Variants in PELI2 observed in about 807,000 individuals in gnomAD.
PELI2 encodes the protein pellino E3 ubiquitin protein ligase family member 2, also known as E3 ubiquitin-protein ligase pellino homolog 2.
Under a neutral mutation model 42.3 loss-of-function variants are expected in PELI2, and 23 were observed. The ratio of observed to expected loss-of-function variants is 0.54; its 90% CI spans 0.39 to 0.77. The LOEUF is 0.77. Among genes scored for constraint, PELI2 ranks in the 30% least tolerant of loss-of-function variants. PELI2 has a pLI of 0.00. For missense variants in PELI2, 463 were observed against 553.2 expected (o/e 0.84, Z 1.64); for synonymous variants, 245 against 212.2 (o/e 1.15, Z -1.34).
At chr14:56,230,502 G>C (rs774630098) in intron 2 of PELI2, among the ~76,000 whole-genome samples, 1 of 152,156 alleles carries the variant, frequency 6.6e-6, no homozygotes, top group Non-Finnish European at 1.5e-5. Context: ...GCCAAACTAA[G>C]CTTCAGAAGT....
intron 2 of PELI2, among the ~76,000 whole-genome samples, chr14:56,188,994 T>C (rs1458937327): frequency 6.6e-6 from 1 of 152,108 alleles, no homozygotes; most frequent in African/African-American, 2.4e-5. Flanking sequence ...ACCCCGTCTC[T>C]ACTAAAAATA....
chr14:56,298,324 A>G lies in PELI2; in HGVS notation c.*1158A>G, dbSNP rs1289183368. ...AATTCAAAATTCCTGCTTTTGAGAG[A>G]GCAAATGAGTGTTGCTGAGGAATAA... On this transcript the variant is annotated 3_prime_UTR_variant, in exon 6 of 6. Transcript: ENST00000267460. 1.5e-5 allele frequency: 1 copy of G among 66,592 alleles called. No homozygotes were observed. The highest frequency in any genetic ancestry group is 1.1e-4 in the African/African-American group (1 of 9,338). The allele number at this position is 66,592 out of a possible 1,614,324, so 4.1% of individuals were successfully genotyped here.
chr14:56,269,098 A>C (rs1405250807), intron 2 of PELI2, among the ~76,000 whole-genome samples: 2 of 152,182 alleles, frequency 1.3e-5, no homozygotes, highest in Admixed American at 6.5e-5. Flanking sequence ...TGGGAAAGCT[A>C]CACTTTGCCC....
intron 2 of PELI2, among the ~76,000 whole-genome samples, chr14:56,263,342 A>G (rs903929228): frequency 1.3e-5 from 2 of 152,168 alleles, no homozygotes; most frequent in Non-Finnish European, 2.9e-5. Flanking sequence ...GCAAGAATGC[A>G]GGATATAGAA....
intron 1 of PELI2, among the ~76,000 whole-genome samples, chr14:56,136,808 A>G (rs931955317): frequency 6.0e-5 from 9 of 149,146 alleles, no homozygotes; most frequent in Admixed American, 4.7e-4. Context: ...TCCCTTCTCC[A>G]CTTCTTCTCT....
chr14:56,298,484 A>G lies in PELI2; in HGVS notation c.*1318A>G, dbSNP rs886505542. On this transcript the variant is annotated 3_prime_UTR_variant, in exon 6 of 6. Transcript: ENST00000267460. ...AGATCCTTTAGGACATGAGACTGGTAGAAGCTGGCTGAGATAAAATAAGTA... is the reference window on the plus strand; with the variant it reads ...AGATCCTTTAGGACATGAGACTGGTGGAAGCTGGCTGAGATAAAATAAGTA... 6.6e-6 allele frequency: 1 copy of G among 152,666 alleles called. No individual in the cohort carries two copies. Among genetic ancestry groups the G allele is most frequent in the Non-Finnish European group, 1.5e-5 (1 of 68,048 alleles). 9.5% of individuals were successfully genotyped at this position (152,666 alleles called of 1,614,324 possible). A position where few individuals can be genotyped will look rare whatever the true frequency, so the allele number is the denominator to read the frequency against.
intron 2 of PELI2, among the ~76,000 whole-genome samples, chr14:56,196,671 G>A (rs1210755883): frequency 6.6e-6 from 1 of 152,062 alleles, no homozygotes; most frequent in African/African-American, 2.4e-5. Flanking sequence ...TTTACTTTAG[G>A]AACGTTTGTC....
chr14:56,267,423 C>G (rs1396548215), intron 2 of PELI2, among the ~76,000 whole-genome samples: 1 of 152,074 alleles, frequency 6.6e-6, no homozygotes, highest in Non-Finnish European at 1.5e-5. Context: ...TTTAATGATG[C>G]TTGAGGAGTA....
In PELI2 at chr14:56,198,314, A is replaced by G. The variant is rs114880343; in HGVS notation, c.207+19850A>G. On this transcript the variant is annotated intron_variant, in intron 2 of 5. Transcript: ENST00000267460. Reference sequence around the variant, plus strand: ...ATGAATCTGGAATTCAACCATGTAGAGAGGGGCAGAAGATTTAGGACTGAG... The same window carrying G: ...ATGAATCTGGAATTCAACCATGTAGGGAGGGGCAGAAGATTTAGGACTGAG... 6.4e-3 allele frequency among the ~76,000 whole-genome samples: 969 copies of G among 152,274 alleles called. 12 individuals carry two copies. The highest frequency in any genetic ancestry group is 0.022 in the African/African-American group (927 of 41,542).
At chr14:56,190,292 T>C (rs1048252713) in intron 2 of PELI2, among the ~76,000 whole-genome samples, 5 of 152,240 alleles carry the variant, frequency 3.3e-5, no homozygotes, top group African/African-American at 1.2e-4. Flanking sequence ...AATTAAGTCT[T>C]ACAAGTTAGG....
At chr14:56,163,974 C>T (rs1884860687) in intron 1 of PELI2, among the ~76,000 whole-genome samples, 1 of 152,074 alleles carries the variant, frequency 6.6e-6, no homozygotes. Context: ...TACAGTTTTC[C>T]AAATATAAGA....
At position 56,215,359 on chromosome 14, in the gene PELI2, A is replaced by T. The variant is rs957903670; in HGVS notation, c.207+36895A>T. On this transcript the variant is annotated intron_variant, in intron 2 of 5. Coordinates refer to ENST00000267460, the MANE Select transcript of PELI2 (RefSeq NM_021255.3). ...TACTGTTGCTGTAGCGAAACATAAC[A>T]CACAGGAAAGCCCGCCGGGGGAGCA... Among the ~76,000 whole-genome samples, 3 of 152,222 alleles carry T rather than the reference A, an allele frequency of 2.0e-5. No individual in the cohort carries two copies. In the East Asian group the frequency reaches 5.8e-4, roughly 29 times the overall value.
At chr14:56,214,050 A>G (rs1038693248) in intron 2 of PELI2, among the ~76,000 whole-genome samples, 2 of 152,100 alleles carry the variant, frequency 1.3e-5, no homozygotes, top group Non-Finnish European at 2.9e-5. Context: ...ACGGGGTTTC[A>G]CCGTGTTGGC....
intron 2 of PELI2, among the ~76,000 whole-genome samples, chr14:56,238,998 G>T (rs946392233): frequency 6.6e-6 from 1 of 152,166 alleles, no homozygotes; most frequent in Non-Finnish European, 1.5e-5. Flanking sequence ...TATTGTTAAT[G>T]TTGAAAAATG....
At chr14:56,187,973 C>T (rs1049747535) in intron 2 of PELI2, among the ~76,000 whole-genome samples, 7 of 152,204 alleles carry the variant, frequency 4.6e-5, no homozygotes, top group South Asian at 2.1e-4. Flanking sequence ...GGGGCGTTGT[C>T]GTTGCCCAGG....
chr14:56,207,016 T>C (rs1172251827), intron 2 of PELI2, among the ~76,000 whole-genome samples: 2 of 152,210 alleles, frequency 1.3e-5, no homozygotes, highest in African/African-American at 4.8e-5. Context: ...GGGTATTCAA[T>C]TGTAATTCTG....
At chr14:56,289,480 T>G (rs1889755848) in intron 4 of PELI2, among the ~76,000 whole-genome samples, 1 of 152,146 alleles carries the variant, frequency 6.6e-6, no homozygotes, top group Admixed American at 6.5e-5. Flanking sequence ...CAGACACCTT[T>G]CTTGGAAGCC....
At chr14:56,235,104 T>TTTAGTATTAGCTTGGTGCAAG (rs1887741691) in intron 2 of PELI2, among the ~76,000 whole-genome samples, 1 of 152,158 alleles carries the variant, frequency 6.6e-6, no homozygotes. Flanking sequence ...TACTTCAAAG[T>TTTAGTATTAGCTTGGTGCAAG]TTAGTATTAG....
rs1468052333 is a variant in PELI2 at position 56,288,586 on chromosome 14, A to G, written c.459A>G (p.Ala153=). Residue 153 remains alanine, a synonymous_variant, in exon 4 of 6, where the codon GCA becomes GCG. Transcript: ENST00000267460. This position sits in a 1 kb window ranked among gnomAD's most constrained non-coding sequence, Gnocchi z 4.6. ...GCGACAGGAATGAACCTTACACAGC[A>G]CGGATATTCGCCGCCGGATTTGACT... The part of the protein sequence containing the change: ...IVCDRNEPYT[A]RIFAAGFDSS... 3 of 1,614,016 alleles carry G rather than the reference A, an allele frequency of 1.9e-6. No individual in the cohort carries two copies. The highest frequency in any genetic ancestry group is 2.2e-5 in the South Asian group (2 of 91,054).
Sources: gnomAD v4.1 joint callset for allele counts (sites outside exome capture counted in the v4.1 genomes callset) on GRCh38, gnomAD v4.1.1 for gene constraint, Gnocchi (gnomAD v3.1) non-coding constraint, MANE v1.5 for transcripts, NCBI Gene and HGNC (gene_info 2026-07-23, HGNC 2026-07-21) for gene names.